CPVL: variants seen among roughly 807,000 people sequenced by gnomAD.
CPVL encodes carboxypeptidase vitellogenic like, also known as probable serine carboxypeptidase CPVL.
CPVL carries 51 observed loss-of-function variants against 63.7 expected under a neutral mutation model. That is an observed-to-expected ratio of 0.80 (90% CI 0.64 to 1.01). The LOEUF is 1.01. Among genes scored for constraint, CPVL ranks in the 50% least tolerant of loss-of-function variants. The pLI is 0.00. For missense variants in CPVL, 530 were observed against 573.1 expected (o/e 0.92, Z 0.77); for synonymous variants, 195 against 206.0 (o/e 0.95, Z 0.46).
chr7:29,160,839 G>T (rs1795074626), intron 5 of CPVL, among the ~76,000 whole-genome samples: 1 of 152,154 alleles, frequency 6.6e-6, no homozygotes, highest in Non-Finnish European at 1.5e-5. Flanking sequence ...ACATTCAAAT[G>T]ATAATATCTA....
At chr7:29,100,316 T>C (rs1786984169) in intron 3 of CPVL, among the ~76,000 whole-genome samples, 1 of 152,200 alleles carries the variant, frequency 6.6e-6, no homozygotes, top group South Asian at 2.1e-4. Flanking sequence ...GAGTAGTATT[T>C]TTATACTACT....
intron 5 of CPVL, among the ~76,000 whole-genome samples, chr7:29,176,175 G>C (rs1037119586): frequency 1.3e-5 from 2 of 149,590 alleles, no homozygotes; most frequent in Non-Finnish European, 3.0e-5. Flanking sequence ...GACAGAGCAA[G>C]ACTCCGTCTC....
At chr7:29,117,240 T>C (rs542974422) in intron 2 of CPVL, among the ~76,000 whole-genome samples, 2 of 152,336 alleles carry the variant, frequency 1.3e-5, no homozygotes, top group African/African-American at 4.8e-5. Flanking sequence ...AAGATAAAAC[T>C]ACCTCCCTTG....
At position 29,086,497 on chromosome 7, in the gene CPVL, T is replaced by G; in HGVS notation, c.596A>C (p.Tyr199Ser). 6.2e-7 allele frequency: 1 copy of G among 1,611,846 alleles called. No homozygotes were observed. The highest frequency in any genetic ancestry group is 8.5e-7 in the Non-Finnish European group (1 of 1,178,018). Reference protein sequence around the residue: ...IFPEYKNNDFYVTGESYAGKY... With the variant: ...IFPEYKNNDFSVTGESYAGKY... ...ACTTCTACTTACCTCCCCAGTGACATAAAAGTCATTATTTTTATATTCAGG... is the reference window on the plus strand; with the variant it reads ...ACTTCTACTTACCTCCCCAGTGACAGAAAAGTCATTATTTTTATATTCAGG... Residue 199 changes from tyrosine to serine, a missense_variant, in exon 7 of 13, where the codon TAT becomes TCT. Coordinates refer to ENST00000265394, the MANE Select transcript of CPVL (RefSeq NM_031311.5).
intron 11 of CPVL, among the ~76,000 whole-genome samples, chr7:29,032,436 A>G (rs149403163): frequency 1.2e-4 from 19 of 152,266 alleles, no homozygotes; most frequent in Non-Finnish European, 2.2e-4. Flanking sequence ...AAAAAATTCA[A>G]CTGAACTCCA....
intron 12 of CPVL, among the ~76,000 whole-genome samples, chr7:29,016,997 C>T (rs1231578627): frequency 6.6e-6 from 1 of 152,146 alleles, no homozygotes; most frequent in Non-Finnish European, 1.5e-5. Context: ...ATAAACTTCC[C>T]AAAGAACAGC....
At chr7:29,016,048 G>GT (rs1203183874) in intron 12 of CPVL, among the ~76,000 whole-genome samples, 15 of 152,080 alleles carry the variant, frequency 9.9e-5, no homozygotes, top group Non-Finnish European at 1.9e-4. Flanking sequence ...CCCCTATGAA[G>GT]TAACTGTTCT....
intron 1 of CPVL, chr7:29,194,849 G>C (rs1562820775): frequency 3.3e-6 from 4 of 1,205,668 alleles, no homozygotes; most frequent in Non-Finnish European, 3.2e-6. Context: ...CCATGGGCTG[G>C]GGGCCGCGGA....
chr7:29,069,490 A>T (rs547387170), intron 9 of CPVL, among the ~76,000 whole-genome samples: 1 of 151,696 alleles, frequency 6.6e-6, no homozygotes, highest in Non-Finnish European at 1.5e-5. Context: ...AAAAAATAAC[A>T]TGGGTGGTCA....
chr7:29,047,686 A>G (rs62442602), intron 11 of CPVL, among the ~76,000 whole-genome samples: 13,991 of 152,176 alleles, frequency 0.092, 1,930 homozygotes, highest in African/African-American at 0.3. Flanking sequence ...AGAAGCACAA[A>G]GAACACCTGG....
Position 29,042,158 on chromosome 7 carries a change from T to C in CPVL, c.1138-11399A>G, listed in dbSNP as rs547999579. On this transcript the variant is annotated intron_variant, in intron 11 of 12. Transcript: ENST00000265394. ...AAGCTGGATTAAGGAAATTGGAAACTATGTCCATGTGGAGGAGGAGCAGCA... is the reference window on the plus strand; with the variant it reads ...AAGCTGGATTAAGGAAATTGGAAACCATGTCCATGTGGAGGAGGAGCAGCA... Among the ~76,000 whole-genome samples the C allele has an allele frequency of 9.9e-4, 151 of 152,230 alleles. 1 individual carries two copies. The highest frequency in any genetic ancestry group is 3.3e-3 in the African/African-American group (139 of 41,542).
At chr7:29,019,654 C>T (rs1432196120) in intron 12 of CPVL, among the ~76,000 whole-genome samples, 1 of 152,174 alleles carries the variant, frequency 6.6e-6, no homozygotes, top group Non-Finnish European at 1.5e-5. Context: ...TTTTGTGTGT[C>T]TAATGCTGAA....
chr7:29,178,983 C>T (rs1415134566), intron 5 of CPVL, among the ~76,000 whole-genome samples: 1 of 152,146 alleles, frequency 6.6e-6, no homozygotes, highest in Non-Finnish European at 1.5e-5. Flanking sequence ...CAGAGCTAAC[C>T]AGCATTTGCA....
rs56726137 is a variant in CPVL, at chr7:29,087,423, CAAAAAAAA to C, written c.543-881_543-874del. Among the ~76,000 whole-genome samples the C allele has an allele frequency of 5.4e-3, 384 of 71,396 alleles. 6 individuals carry two copies. The highest frequency in any genetic ancestry group is 0.024 in the Middle Eastern group (3 of 124). 46.8% of individuals were successfully genotyped at this position (71,396 alleles called of 152,430 possible). On this transcript the variant is annotated intron_variant, in intron 6 of 12. Coordinates refer to ENST00000265394, the MANE Select transcript of CPVL (RefSeq NM_031311.5). ...TGGGCAACAGAGTAAGACTCTGTCT[CAAAAAAAA>C]AAAAAAAAAAAAAGAATGCCAATAG...
chr7:29,100,390 T>C (rs529945444), intron 3 of CPVL, among the ~76,000 whole-genome samples: 1 of 152,224 alleles, frequency 6.6e-6, no homozygotes, highest in African/African-American at 2.4e-5. Flanking sequence ...CTCATCAGTC[T>C]TTCTCAAAAG....
At position 29,044,293 on chromosome 7, in the gene CPVL, G is replaced by A. The variant is rs565835272; in HGVS notation, c.1138-13534C>T. Among the ~76,000 whole-genome samples the A allele has an allele frequency of 1.2e-4, 18 of 152,086 alleles. No homozygotes were observed. The South Asian group carries it at 2.5e-3, about 21-fold the overall frequency. ...TTAACCAGGTATGGTGGCAGGCACC[G>A]GTAATCCTAGGTACTTGGGAGGCTG... is the stretch of plus-strand genomic sequence containing the variant. On this transcript the variant is annotated intron_variant, in intron 11 of 12. Transcript: ENST00000265394.
At chr7:29,156,064 G>A (rs1437862311) in intron 5 of CPVL, among the ~76,000 whole-genome samples, 2 of 152,192 alleles carry the variant, frequency 1.3e-5, no homozygotes, top group African/African-American at 4.8e-5. Flanking sequence ...ATAAACCGGC[G>A]AAGCATGGTG....
intron 3 of CPVL, among the ~76,000 whole-genome samples, chr7:29,111,153 G>C (rs537939053): frequency 6.6e-6 from 1 of 152,374 alleles, no homozygotes; most frequent in South Asian, 2.1e-4. Flanking sequence ...ATAGCAGCAA[G>C]AGAAAACTAA....
intron 11 of CPVL, among the ~76,000 whole-genome samples, chr7:29,052,572 G>GA (rs1314486197): frequency 2.6e-5 from 4 of 151,588 alleles, no homozygotes; most frequent in East Asian, 1.9e-4. Flanking sequence ...CAGAGAATAG[G>GA]AAAAAAAATC....
Sources: allele counts gnomAD v4.1 joint callset (sites outside exome capture counted in the v4.1 genomes callset), GRCh38; gene constraint gnomAD v4.1.1; transcripts MANE v1.5; gene names NCBI Gene and HGNC (gene_info 2026-07-23, HGNC 2026-07-21).